Variants in FOXJ3 observed in about 807,000 individuals in gnomAD.
FOXJ3 encodes the protein forkhead box protein J3.
Under a neutral mutation model 76.1 loss-of-function variants are expected in FOXJ3, and 22 were observed. The observed-to-expected ratio is 0.29, with a 90% CI of 0.21 to 0.41. FOXJ3 has a LOEUF of 0.41. Ranked by LOEUF, FOXJ3 falls within the 10% of genes least tolerant of loss-of-function variation. The probability of loss-of-function intolerance (pLI) is 1.00; values close to 1 mark genes in which losing one functional copy is unlikely to be tolerated. For synonymous variants in FOXJ3, 269 were observed against 261.2 expected (o/e 1.03, Z -0.29); for missense variants, 613 against 762.1 (o/e 0.80, Z 2.30).
intron 2 of FOXJ3, among the ~76,000 whole-genome samples, chr1:42,310,651 T>C (rs1056297608): frequency 3.3e-5 from 5 of 151,878 alleles, no homozygotes; most frequent in African/African-American, 1.2e-4. Flanking sequence ...GGTTTCGCCA[T>C]GTTGGCCAGG....
At chr1:42,274,467 A>C (rs1652105024) in intron 3 of FOXJ3, among the ~76,000 whole-genome samples, 1 of 152,204 alleles carries the variant, frequency 6.6e-6, no homozygotes, top group African/African-American at 2.4e-5. Flanking sequence ...GGTTAAGAAC[A>C]TGAGCATTGA....
intron 4 of FOXJ3, 41 bp from the exon 5 acceptor site, chr1:42,228,007 A>G: frequency 2.0e-6 from 2 of 1,012,972 alleles, no homozygotes; most frequent in South Asian, 2.0e-5. Context: ...ATTACAGCAA[A>G]CCTATGATAT....
At chr1:42,194,413 G>A (rs1646611021) in intron 8 of FOXJ3, among the ~76,000 whole-genome samples, 1 of 152,146 alleles carries the variant, frequency 6.6e-6, no homozygotes, top group Non-Finnish European at 1.5e-5. Flanking sequence ...ATGACCTAGC[G>A]TTTACTAGTA....
intron 1 of FOXJ3, among the ~76,000 whole-genome samples, chr1:42,315,922 C>A (rs928894689): frequency 6.6e-6 from 1 of 152,160 alleles, no homozygotes; most frequent in East Asian, 1.9e-4. Flanking sequence ...AGAATGAGTA[C>A]TAAAAGCCAG....
intron 4 of FOXJ3, among the ~76,000 whole-genome samples, chr1:42,240,927 CT>C (rs1203469357): frequency 1.3e-5 from 2 of 152,178 alleles, no homozygotes; most frequent in Non-Finnish European, 2.9e-5. Context: ...TACTTGGCAC[CT>C]GCACTTAGAA....
intron 3 of FOXJ3, among the ~76,000 whole-genome samples, chr1:42,266,277 A>C (rs1651458686): frequency 6.6e-6 from 1 of 152,210 alleles, no homozygotes; most frequent in African/African-American, 2.4e-5. Context: ...TTACCAAAGC[A>C]GAAATTTAAA....
At chr1:42,191,044 G>GATAATT (rs375474435) in intron 9 of FOXJ3, among the ~76,000 whole-genome samples, 1 of 89,746 alleles carries the variant, frequency 1.1e-5, no homozygotes, top group South Asian at 4.2e-4. Context: ...GATAATGTAA[G>GATAATT]ATAATGTATC....
chr1:42,214,547 C>T (rs927797510), intron 5 of FOXJ3, among the ~76,000 whole-genome samples: 1 of 152,152 alleles, frequency 6.6e-6, no homozygotes, highest in Non-Finnish European at 1.5e-5. Context: ...ATAGACCAAC[C>T]TTCTGCTGAT....
Position 42,188,749 on chromosome 1 carries a change from G to A in FOXJ3, c.1633C>T (p.His545Tyr). 1.3e-6 allele frequency: 2 copies of A among 1,599,108 alleles called. No homozygotes were observed. The highest frequency in any genetic ancestry group is 1.7e-6 in the Non-Finnish European group (2 of 1,171,410). ...ACTAACCCCATACCTGTTCCAATGT[G>A]TTGGGAAGGTTTTGTTGGATGCATG... ...GAMHPTKPSQ[H>Y]IGTGNLYIDS... is the part of the protein sequence containing the mutation. The change falls in exon 11 of 13, where the codon CAC (histidine) becomes TAC (tyrosine). Residue 545 changes from histidine to tyrosine, a missense_variant. By Grantham distance (83) the His-to-Tyr change is moderately conservative. Coordinates refer to ENST00000361346, the MANE Select transcript of FOXJ3 (RefSeq NM_014947.5).
At chr1:42,200,909 T>C (rs1402351781) in intron 6 of FOXJ3, among the ~76,000 whole-genome samples, 1 of 152,222 alleles carries the variant, frequency 6.6e-6, no homozygotes, top group Non-Finnish European at 1.5e-5. Context: ...TAAATTTGTA[T>C]ATCAACTTTG....
chr1:42,323,214 T>A (rs572998594), intron 1 of FOXJ3, among the ~76,000 whole-genome samples: 4 of 152,300 alleles, frequency 2.6e-5, no homozygotes, highest in South Asian at 2.1e-4. Context: ...TTAATGCACA[T>A]TCCATAATTA....
intron 5 of FOXJ3, among the ~76,000 whole-genome samples, chr1:42,208,416 A>G (rs1466409829): frequency 6.6e-6 from 1 of 152,240 alleles, no homozygotes; most frequent in East Asian, 1.9e-4. Flanking sequence ...TCACCATATT[A>G]AGAGAATCAA....
intron 4 of FOXJ3, among the ~76,000 whole-genome samples, chr1:42,249,547 A>T (rs1197502549): frequency 6.6e-6 from 1 of 152,260 alleles, no homozygotes; most frequent in Non-Finnish European, 1.5e-5. Context: ...TTTCTAGAAC[A>T]TTCAAAGACC....
chr1:42,281,785 G>A (rs898829938), intron 2 of FOXJ3, among the ~76,000 whole-genome samples: 14 of 152,180 alleles, frequency 9.2e-5, no homozygotes, highest in Non-Finnish European at 1.6e-4. Context: ...TAGGGCGGGT[G>A]CGGTGGCTCA....
chr1:42,319,056 T>C (rs1048174544), intron 1 of FOXJ3, among the ~76,000 whole-genome samples: 2 of 152,022 alleles, frequency 1.3e-5, no homozygotes, highest in Non-Finnish European at 2.9e-5. Context: ...CATGGCAAGA[T>C]CCCATCTCTA....
intron 5 of FOXJ3, among the ~76,000 whole-genome samples, chr1:42,217,399 T>C (rs1647091528): frequency 6.6e-6 from 1 of 151,784 alleles, no homozygotes; most frequent in Non-Finnish European, 1.5e-5. Context: ...CGTGGTGGCA[T>C]GCGCCTGTAG....
Position 42,197,816 on chromosome 1 carries a change from T to A in FOXJ3, c.759+1286A>T, listed in dbSNP as rs1457276759. Among the ~76,000 whole-genome samples the A allele has an allele frequency of 5.7e-4, 86 of 152,124 alleles. 2 individuals carry two copies. The highest frequency in any genetic ancestry group is 1.8e-4 in the Non-Finnish European group (12 of 68,012). On this transcript the variant is annotated intron_variant, in intron 7 of 12. Coordinates refer to ENST00000361346, the MANE Select transcript of FOXJ3 (RefSeq NM_014947.5). ...ATGCCACAATGCCTGGCTGTTTCAT[T>A]TTTTTAAGACAGGGTCTCACTATGT...
chr1:42,199,738 T>A (rs1363681896), intron 6 of FOXJ3, among the ~76,000 whole-genome samples: 4 of 151,994 alleles, frequency 2.6e-5, no homozygotes, highest in African/African-American at 7.2e-5. Flanking sequence ...ATCTAACTTT[T>A]AAAAAATAAT....
At chr1:42,234,233 T>G (rs916035933) in intron 4 of FOXJ3, among the ~76,000 whole-genome samples, 2 of 152,232 alleles carry the variant, frequency 1.3e-5, no homozygotes, top group Non-Finnish European at 2.9e-5. Context: ...TTCTCATGCC[T>G]TGGTTTTCAG....
Sources: gnomAD v4.1 joint callset for allele counts (sites outside exome capture counted in the v4.1 genomes callset) on GRCh38, gnomAD v4.1.1 for gene constraint, MANE v1.5 for transcripts, NCBI Gene and HGNC (gene_info 2026-07-23, HGNC 2026-07-21) for gene names.